The following TSPAN15 variants were observed in gnomAD, a reference collection of about 807,000 sequenced individuals.
TSPAN15 encodes tetraspanin 15, also known as tetraspanin-15.
A neutral mutation model predicts 34.5 loss-of-function variants in TSPAN15; 20 were observed. That is an observed-to-expected ratio of 0.58 (90% CI 0.41 to 0.84). The LOEUF is 0.84. TSPAN15 is among the 40% of genes least tolerant of loss of function. The probability of loss-of-function intolerance (pLI) is 0.00; values close to 1 mark genes in which losing one functional copy is unlikely to be tolerated. For synonymous variants in TSPAN15, 155 were observed against 153.9 expected, an observed-to-expected ratio of 1.01 and a Z score of -0.05; for missense variants, 313 against 386.1, an observed-to-expected ratio of 0.81 and a Z score of 1.59.
the TSPAN15 span, among the ~76,000 whole-genome samples, chr10:69,520,209 T>C: frequency 6.6e-6 from 1 of 152,224 alleles, no homozygotes; most frequent in Admixed American, 6.5e-5. Flanking sequence ...CTCTATTCTA[T>C]TTTCTGTCTC....
the TSPAN15 span, among the ~76,000 whole-genome samples, chr10:69,525,636 C>T: frequency 1.4e-5 from 2 of 146,774 alleles, no homozygotes; most frequent in Non-Finnish European, 1.5e-5. Context: ...GCCTGGCCAA[C>T]ATGGGGAAAC....
At chr10:69,540,188 C>T in the TSPAN15 span, among the ~76,000 whole-genome samples, 1 of 151,932 alleles carries the variant, frequency 6.6e-6, no homozygotes, top group Non-Finnish European at 1.5e-5. Flanking sequence ...GTCAGGAGAT[C>T]GAGACCATCC....
At chr10:69,486,730 T>A (rs1841862354) in intron 3 of TSPAN15, among the ~76,000 whole-genome samples, 1 of 152,210 alleles carries the variant, frequency 6.6e-6, no homozygotes, top group Non-Finnish European at 1.5e-5. Flanking sequence ...TGCCTGTGAT[T>A]CCAGCCCAGG....
the TSPAN15 span, among the ~76,000 whole-genome samples, chr10:69,541,601 C>T: frequency 2.6e-5 from 4 of 152,250 alleles, no homozygotes; most frequent in African/African-American, 9.6e-5. Context: ...AGTGTCCTAG[C>T]AGAGGTTCTC....
At chr10:69,540,482 G>A in the TSPAN15 span, among the ~76,000 whole-genome samples, 17 of 152,202 alleles carry the variant, frequency 1.1e-4, 1 homozygote, top group South Asian at 6.2e-4. Context: ...GCATGAATGT[G>A]AGGGGATTTC....
At chr10:69,528,661 T>C in the TSPAN15 span, among the ~76,000 whole-genome samples, 82,077 of 147,016 alleles carry the variant, frequency 0.56, 26,244 homozygotes, top group African/African-American at 0.65. Flanking sequence ...TGAAGAGGAG[T>C]TTTATTGAGC....
intron 1 of TSPAN15, among the ~76,000 whole-genome samples, chr10:69,463,022 A>G (rs115248988): frequency 0.01 from 1,574 of 152,280 alleles, 32 homozygotes; most frequent in African/African-American, 0.036. Flanking sequence ...GGGAACCAGG[A>G]TGATGTTGTG....
At chr10:69,514,947 C>T in the TSPAN15 span, among the ~76,000 whole-genome samples, 18 of 152,322 alleles carry the variant, frequency 1.2e-4, no homozygotes, top group African/African-American at 4.1e-4. Flanking sequence ...TTTCTGGTTC[C>T]TCTTCTCCCA....
the TSPAN15 span, among the ~76,000 whole-genome samples, chr10:69,536,059 C>G: frequency 6.6e-6 from 1 of 152,196 alleles, no homozygotes; most frequent in South Asian, 2.1e-4. Context: ...CCCACTGCCA[C>G]CAATTCATGT....
the TSPAN15 span, among the ~76,000 whole-genome samples, chr10:69,538,699 G>A: frequency 0.5 from 76,799 of 152,108 alleles, 20,189 homozygotes; most frequent in East Asian, 0.9. Flanking sequence ...CTGGCATGAA[G>A]GGAATTCTGG....
chr10:69,467,165 C>G (rs1039976642), intron 1 of TSPAN15, among the ~76,000 whole-genome samples: 2 of 152,206 alleles, frequency 1.3e-5, no homozygotes, highest in Admixed American at 1.3e-4. Flanking sequence ...TCCCTTCCCC[C>G]AGGCCTCTTC....
rs1842339598 is a variant in TSPAN15, at chr10:69,506,907, C to CT, written c.815dup (p.Leu273ProfsTer60). On this transcript the variant is annotated frameshift_variant, in exon 8 of 8. Transcript: ENST00000373290. LOFTEE classifies it high-confidence loss of function. The surrounding 1 kb of genome is among the most constrained non-coding windows in gnomAD (Gnocchi z 4.7). The stretch of plus-strand genomic sequence containing the variant: ...CATGGAGCACTCTGTCACTGATGGG[C>CT]TCCTGGGGCCCGGTGCCAAGCCCAG... 6.2e-7 allele frequency: 1 copy of CT among 1,608,598 alleles called. No individual in the cohort carries two copies. The highest frequency in any genetic ancestry group is 2.2e-5 in the East Asian group (1 of 44,722).
At chr10:69,504,717 T>C (rs1364309388) in intron 6 of TSPAN15, among the ~76,000 whole-genome samples, 1 of 152,162 alleles carries the variant, frequency 6.6e-6, no homozygotes, top group Non-Finnish European at 1.5e-5. Flanking sequence ...GCCGAGCACC[T>C]ACTGTGGGCT....
intron 6 of TSPAN15, 134 bp downstream of exon 6, chr10:69,504,619 A>G: frequency 1.1e-6 from 1 of 923,126 alleles, no homozygotes; most frequent in Non-Finnish European, 1.7e-6. Context: ...ACCCAGAGCC[A>G]GGACTGCTGT....
the TSPAN15 span, among the ~76,000 whole-genome samples, chr10:69,533,203 A>T: frequency 2.6e-5 from 4 of 152,230 alleles, no homozygotes; most frequent in Admixed American, 6.5e-5. Flanking sequence ...TATGAAAAAG[A>T]TACTTGCAGA....
chr10:69,498,442 G>C, intron 5 of TSPAN15, 46 bp downstream of exon 5: 1 of 1,511,690 alleles, frequency 6.6e-7, no homozygotes, highest in Non-Finnish European at 9.2e-7. Flanking sequence ...GGGGACCCCA[G>C]GTGGTATAAA....
At chr10:69,454,901 T>C (rs1841050497) in intron 1 of TSPAN15, among the ~76,000 whole-genome samples, 1 of 151,202 alleles carries the variant, frequency 6.6e-6, no homozygotes, top group African/African-American at 2.4e-5. Context: ...TAAGGCCGGG[T>C]GAGGTGTAAT....
the TSPAN15 span, chr10:69,523,262 T>C: frequency 3.0e-6 from 1 of 334,932 alleles, no homozygotes; most frequent in South Asian, 4.2e-5. Context: ...CTGCTCCAAC[T>C]CTCAAAAAAT....
At chr10:69,473,538 C>T (rs994961948) in intron 1 of TSPAN15, among the ~76,000 whole-genome samples, 14 of 152,154 alleles carry the variant, frequency 9.2e-5, no homozygotes, top group African/African-American at 3.4e-4. Context: ...AGGGGGGCCG[C>T]CCACAGTCTG....
Sources: gnomAD v4.1 joint callset for allele counts (sites outside exome capture counted in the v4.1 genomes callset) on GRCh38, gnomAD v4.1.1 for gene constraint, Gnocchi (gnomAD v3.1) non-coding constraint, MANE v1.5 for transcripts, NCBI Gene and HGNC (gene_info 2026-07-23, HGNC 2026-07-21) for gene names.